B4GALNT3: variants seen among roughly 807,000 people sequenced by gnomAD.
B4GALNT3 encodes beta-1,4-N-acetylgalactosaminyltransferase 3.
In B4GALNT3, 86 loss-of-function variants were observed where a neutral mutation model predicts 120.2. The observed-to-expected ratio is 0.72, with a 90% CI of 0.60 to 0.86. The LOEUF (loss-of-function observed/expected upper bound fraction) is 0.86, where lower values mean the gene tolerates loss of function less well. Ranked by LOEUF, B4GALNT3 falls within the 40% of genes least tolerant of loss-of-function variation. The pLI is 0.00. For synonymous variants in B4GALNT3, 518 were observed against 510.4 expected (o/e 1.01, Z -0.20); for missense variants, 1,167 against 1,298.9 (o/e 0.90, Z 1.56).
intron 1 of B4GALNT3, among the ~76,000 whole-genome samples, chr12:479,139 G>A (rs1379981379): frequency 6.6e-6 from 1 of 152,188 alleles, no homozygotes; most frequent in Non-Finnish European, 1.5e-5. Context: ...CAGGCCACAG[G>A]AGACAGCCTA....
In B4GALNT3 at chr12:548,430, T is replaced by C; in HGVS notation, c.853+133T>C. ...TGCTTGGGACACGGGTATGAAGGGG[T>C]CCAGAACAAGAGTGGGACCTTATGA... On this transcript the variant is annotated intron_variant, in intron 9 of 19. Transcript: ENST00000266383. This position sits in a 1 kb window ranked among gnomAD's most constrained non-coding sequence, Gnocchi z 4.9. 1.3e-6 allele frequency: 1 copy of C among 788,278 alleles called. No individual in the cohort carries two copies. 48.8% of individuals were successfully genotyped at this position (788,278 alleles called of 1,614,324 possible). A position where few individuals can be genotyped will look rare whatever the true frequency, so the allele number is the denominator to read the frequency against.
rs543922326 is a variant in B4GALNT3 at position 549,712 on chromosome 12, T to C, written c.854-57T>C. 126 of 1,606,452 alleles carry C rather than the reference T, an allele frequency of 7.8e-5. 2 individuals carry two copies. The South Asian group carries it at 1.3e-3, about 16-fold the overall frequency. On this transcript the variant is annotated intron_variant, in intron 9 of 19. Coordinates refer to ENST00000266383, the MANE Select transcript of B4GALNT3 (RefSeq NM_173593.4). ...TCTCTTCCCTCCCCTTCAAGGGCAG[T>C]GGGCTGCTGCGCTCCAGGCCACACA... is the stretch of plus-strand genomic sequence containing the variant.
chr12:472,834 C>T (rs1298580111), intron 1 of B4GALNT3, among the ~76,000 whole-genome samples: 1 of 152,194 alleles, frequency 6.6e-6, no homozygotes, highest in African/African-American at 2.4e-5. Context: ...ATTTTTGCGT[C>T]TATCTCCAAA....
At chr12:511,751 C>T (rs1235401681) in intron 1 of B4GALNT3, among the ~76,000 whole-genome samples, 1 of 120,896 alleles carries the variant, frequency 8.3e-6, no homozygotes, top group African/African-American at 3.5e-5. Flanking sequence ...CCACCTTCCA[C>T]CTTCTTCCAC....
chr12:480,805 G>C (rs1175570935), intron 1 of B4GALNT3, among the ~76,000 whole-genome samples: 1 of 152,174 alleles, frequency 6.6e-6, no homozygotes, highest in South Asian at 2.1e-4. Flanking sequence ...ACATCTCTGG[G>C]GAGCCTTTGG....
At chr12:529,327 G>T (rs889244010) in intron 1 of B4GALNT3, among the ~76,000 whole-genome samples, 25 of 152,178 alleles carry the variant, frequency 1.6e-4, no homozygotes, top group African/African-American at 6.0e-4. Context: ...CTTGCTTTTG[G>T]TTGGGGTCGG....
intron 1 of B4GALNT3, among the ~76,000 whole-genome samples, chr12:527,275 G>T (rs115925599): frequency 2.6e-5 from 4 of 152,182 alleles, no homozygotes; most frequent in Non-Finnish European, 5.9e-5. Context: ...GGATGTTTGG[G>T]TGAGGAGGAA....
chr12:551,136 C>T, intron 11 of B4GALNT3, 105 bp downstream of exon 11: 1 of 995,960 alleles, frequency 1.0e-6, no homozygotes, highest in Admixed American at 2.2e-5. Flanking sequence ...TCCCAACATC[C>T]CATCCCAGCA....
intron 1 of B4GALNT3, among the ~76,000 whole-genome samples, chr12:498,925 T>A (rs1185025459): frequency 1.3e-5 from 2 of 152,088 alleles, no homozygotes. Context: ...GAAAGAATCT[T>A]CATGATGGTG....
At chr12:494,212 A>G (rs1296275787) in intron 1 of B4GALNT3, among the ~76,000 whole-genome samples, 1 of 151,646 alleles carries the variant, frequency 6.6e-6, no homozygotes, top group Non-Finnish European at 1.5e-5. Flanking sequence ...CGGAAGGTCA[A>G]GGCTGCCGTG....
At chr12:507,325 C>A (rs1946507834) in intron 1 of B4GALNT3, among the ~76,000 whole-genome samples, 2 of 152,220 alleles carry the variant, frequency 1.3e-5, no homozygotes, top group South Asian at 4.1e-4. Context: ...TGGCCTTCCA[C>A]ACCCTTTTAA....
intron 14 of B4GALNT3, among the ~76,000 whole-genome samples, chr12:555,794 T>TA (rs1269134536): frequency 1.3e-4 from 19 of 151,924 alleles, no homozygotes; most frequent in East Asian, 3.8e-4. Context: ...TTTATTTATT[T>TA]TTTTTTTTGA....
intron 1 of B4GALNT3, among the ~76,000 whole-genome samples, chr12:469,944 G>A (rs955611844): frequency 3.3e-5 from 5 of 152,054 alleles, no homozygotes; most frequent in East Asian, 1.9e-4. Flanking sequence ...GAGCCACCGC[G>A]CATGGCCAGT....
chr12:479,279 C>G (rs908377815), intron 1 of B4GALNT3, among the ~76,000 whole-genome samples: 1 of 152,068 alleles, frequency 6.6e-6, no homozygotes. Flanking sequence ...CTCCTGGGCT[C>G]AAGCCATCAT....
At chr12:561,319 T>C in intron 19 of B4GALNT3, 24 bp from the exon 20 acceptor site, 1 of 1,587,340 alleles carries the variant, frequency 6.3e-7, no homozygotes, top group Non-Finnish European at 8.6e-7. Context: ...TTCTGTTGGC[T>C]CATCTGTGTT....
chr12:511,008 CTATTCTTTTT>C (rs1946542585), intron 1 of B4GALNT3, among the ~76,000 whole-genome samples: 1 of 94,912 alleles, frequency 1.1e-5, no homozygotes, highest in Admixed American at 1.2e-4. Context: ...ATGGATTTGC[CTATTCTTTTT>C]TTTTTTTTTT....
intron 11 of B4GALNT3, 102 bp downstream of exon 11, chr12:551,133 A>C: frequency 3.0e-6 from 3 of 1,006,388 alleles, no homozygotes. Context: ...TCTTCCCAAC[A>C]TCCCATCCCA....
At chr12:512,111 CT>C (rs1448832624) in intron 1 of B4GALNT3, among the ~76,000 whole-genome samples, 1 of 134,092 alleles carries the variant, frequency 7.5e-6, no homozygotes, top group Non-Finnish European at 1.6e-5. Context: ...CTTCCACCTT[CT>C]TCCACCTTCG....
chr12:512,033 A>T (rs1442861811), intron 1 of B4GALNT3, among the ~76,000 whole-genome samples: 1 of 90,732 alleles, frequency 1.1e-5, no homozygotes, highest in Non-Finnish European at 2.1e-5. Context: ...TCCACCTTCT[A>T]CCTTCTGCCT....
Sources: gnomAD v4.1 joint callset for allele counts (sites outside exome capture counted in the v4.1 genomes callset) on GRCh38, gnomAD v4.1.1 for gene constraint, Gnocchi (gnomAD v3.1) non-coding constraint, MANE v1.5 for transcripts, NCBI Gene and HGNC (gene_info 2026-07-23, HGNC 2026-07-21) for gene names.